The following SCARB2 variants were observed in gnomAD, a reference collection of about 807,000 sequenced individuals.
SCARB2 encodes lysosome membrane protein 2.
A neutral mutation model predicts 58.6 loss-of-function variants in SCARB2; 29 were observed. The ratio of observed to expected loss-of-function variants is 0.49; its 90% CI spans 0.37 to 0.67. The LOEUF is 0.67. Among genes scored for constraint, SCARB2 ranks in the 30% least tolerant of loss-of-function variants. The pLI is 0.00. For synonymous variants in SCARB2, 195 were observed against 210.1 expected (o/e 0.93, Z 0.62); for missense variants, 488 against 578.5 (o/e 0.84, Z 1.60).
At chr4:76,172,100 T>A (rs1457040304) in intron 7 of SCARB2, among the ~76,000 whole-genome samples, 4 of 148,668 alleles carry the variant, frequency 2.7e-5, no homozygotes, top group African/African-American at 9.8e-5. Flanking sequence ...AATTTGTTAA[T>A]ATACTCATAT....
At chr4:76,173,925 ATTC>A in intron 7 of SCARB2, 1 of 602,826 alleles carries the variant, frequency 1.7e-6, no homozygotes. Flanking sequence ...CTGACAATAT[ATTC>A]TTTTTTGTTT....
chr4:76,213,890 C>T (rs577208630), upstream of SCARB2: 820 of 170,360 alleles, frequency 4.8e-3, 10 homozygotes, highest in African/African-American at 0.018. Context: ...AGGCAACCGC[C>T]GGCGACTGCG....
chr4:76,207,128 G>T (rs1015567846), intron 1 of SCARB2, among the ~76,000 whole-genome samples: 3 of 152,152 alleles, frequency 2.0e-5, no homozygotes, highest in Non-Finnish European at 4.4e-5. Context: ...CGCCCACAAG[G>T]TCAAAACTAT....
chr4:76,178,520 C>T (rs2869854), intron 4 of SCARB2, among the ~76,000 whole-genome samples: 16,522 of 152,170 alleles, frequency 0.11, 1,122 homozygotes, highest in East Asian at 0.21. Flanking sequence ...AAAAGGGCCT[C>T]GAGGGAACCT....
intron 1 of SCARB2, among the ~76,000 whole-genome samples, chr4:76,205,676 G>A (rs1423041928): frequency 1.3e-5 from 2 of 152,158 alleles, no homozygotes; most frequent in African/African-American, 4.8e-5. Flanking sequence ...TGCTGAAGGG[G>A]CCAGATGGCT....
chr4:76,214,613 C>A (rs1189046446), upstream of SCARB2, among the ~76,000 whole-genome samples: 1 of 152,156 alleles, frequency 6.6e-6, no homozygotes, highest in Non-Finnish European at 1.5e-5. Context: ...AAGCAGGCAT[C>A]GCTGGTGTTC....
chr4:76,188,330 C>T (rs1306753909), intron 2 of SCARB2, among the ~76,000 whole-genome samples: 2 of 152,160 alleles, frequency 1.3e-5, no homozygotes, highest in East Asian at 1.9e-4. Context: ...TGCAGCTTTA[C>T]AAAAATGTAA....
intron 1 of SCARB2, among the ~76,000 whole-genome samples, chr4:76,229,189 G>A: frequency 6.6e-6 from 1 of 152,142 alleles, no homozygotes; most frequent in East Asian, 1.9e-4. Context: ...TCCAGAAGTT[G>A]TGATTGTTTT....
At chr4:76,233,837 A>T (rs140747400) in intron 1 of SCARB2, among the ~76,000 whole-genome samples, 15 of 151,964 alleles carry the variant, frequency 9.9e-5, no homozygotes, top group Non-Finnish European at 1.9e-4. Context: ...AACTTTGCAG[A>T]TAATACAAAC....
rs149355555 is a variant in SCARB2 at position 76,206,390 on chromosome 4, G to A, written c.117+7037C>T. 2.1e-3 allele frequency among the ~76,000 whole-genome samples: 312 copies of A among 152,128 alleles called. 2 individuals are homozygous for A. The highest frequency in any genetic ancestry group is 6.8e-3 in the Middle Eastern group (2 of 294). Reference sequence around the variant, plus strand: ...GCTACCACACAGAACTTGGTATGACGAGTACCAAAGAACATCCACATGTTT... The same window carrying A: ...GCTACCACACAGAACTTGGTATGACAAGTACCAAAGAACATCCACATGTTT... On this transcript the variant is annotated intron_variant, in intron 1 of 11. Coordinates refer to ENST00000264896, the MANE Select transcript of SCARB2 (RefSeq NM_005506.4).
chr4:76,186,355 G>T (rs1303053923), intron 2 of SCARB2, among the ~76,000 whole-genome samples: 1 of 152,082 alleles, frequency 6.6e-6, no homozygotes, highest in South Asian at 2.1e-4. Context: ...AGGAGGACAC[G>T]CTTTAAAAGA....
intron 1 of SCARB2, among the ~76,000 whole-genome samples, chr4:76,229,573 G>A (rs558553529): frequency 2.6e-5 from 4 of 152,286 alleles, no homozygotes; most frequent in African/African-American, 7.2e-5. Context: ...CTAGGGACGT[G>A]GCTTTCTGGG....
At chr4:76,180,799 G>A (rs769063133) in intron 3 of SCARB2, 155 bp downstream of exon 3, 9 of 529,122 alleles carry the variant, frequency 1.7e-5, no homozygotes, top group Non-Finnish European at 2.8e-5. Flanking sequence ...AGTCCAAGAT[G>A]TACTTTAAAG....
Position 76,201,230 on chromosome 4 carries a change from C to T in SCARB2, c.118-5366G>A, listed in dbSNP as rs567623061. Among the ~76,000 whole-genome samples the T allele has an allele frequency of 3.3e-5, 5 of 152,308 alleles. No individual in the cohort carries two copies. In the South Asian group the frequency reaches 1.0e-3, roughly 32 times the overall value. ...GCCCTTATCACCTGGTTCACTTCTACTTGGGCTTCAGGGCTCAATTCAGAA... is the reference window on the plus strand; with the variant it reads ...GCCCTTATCACCTGGTTCACTTCTATTTGGGCTTCAGGGCTCAATTCAGAA... On this transcript the variant is annotated intron_variant, in intron 1 of 11. Transcript: ENST00000264896.
intron 9 of SCARB2, among the ~76,000 whole-genome samples, chr4:76,167,674 C>A (rs1217965771): frequency 2.6e-5 from 1 of 39,128 alleles, no homozygotes; most frequent in African/African-American, 2.1e-4. Context: ...TCCCTCCCTC[C>A]CCCCCCCCGC....
At chr4:76,213,129 T>C (rs938591355) in intron 1 of SCARB2, 8 of 394,688 alleles carry the variant, frequency 2.0e-5, no homozygotes, top group African/African-American at 6.2e-5. Context: ...CCACCTGAGA[T>C]TGGGGTGTAG....
intron 2 of SCARB2, among the ~76,000 whole-genome samples, chr4:76,188,275 C>A (rs1374611594): frequency 6.6e-6 from 1 of 152,182 alleles, no homozygotes; most frequent in African/African-American, 2.4e-5. Flanking sequence ...GATCATGAGG[C>A]CAATGAGCCT....
chr4:76,211,851 G>T (rs1029486365), intron 1 of SCARB2, among the ~76,000 whole-genome samples: 2 of 152,138 alleles, frequency 1.3e-5, no homozygotes, highest in Admixed American at 6.5e-5. Flanking sequence ...TCCTTAGCTG[G>T]GATTGAGCAG....
intron 2 of SCARB2, among the ~76,000 whole-genome samples, chr4:76,181,931 C>A (rs1412127256): frequency 6.6e-6 from 1 of 152,102 alleles, no homozygotes; most frequent in Non-Finnish European, 1.5e-5. Flanking sequence ...TTAGAAAGTT[C>A]TTAGAAAGCG....
Sources: allele counts gnomAD v4.1 joint callset (sites outside exome capture counted in the v4.1 genomes callset), GRCh38; gene constraint gnomAD v4.1.1; transcripts MANE v1.5; gene names NCBI Gene and HGNC (gene_info 2026-07-23, HGNC 2026-07-21).